NFIB: variants seen among roughly 807,000 people sequenced by gnomAD.
The protein encoded by NFIB is nuclear factor I B, also known as nuclear factor 1 B-type.
Under a neutral mutation model 61.5 loss-of-function variants are expected in NFIB, and 11 were observed. The ratio of observed to expected loss-of-function variants is 0.18; its 90% confidence interval spans 0.11 to 0.30. The LOEUF (loss-of-function observed/expected upper bound fraction) is 0.30. Among genes scored for constraint, NFIB ranks in the 10% least tolerant of loss-of-function variants. The probability of loss-of-function intolerance (pLI) is 1.00; values close to 1 mark genes in which losing one functional copy is unlikely to be tolerated. For missense variants in NFIB, 471 were observed against 608.9 expected (o/e 0.77, Z 2.38); for synonymous variants, 260 against 216.5 (o/e 1.20, Z -1.76).
rs542315159 is a variant in NFIB at position 14,279,998 on chromosome 9, G to A, written c.562+26991C>T. Among the ~76,000 whole-genome samples, 9 of 152,202 alleles carry A rather than the reference G, an allele frequency of 5.9e-5. No homozygotes were observed. In the South Asian group the frequency reaches 6.2e-4, roughly 11 times the overall value. ...AGCAGCTGAAGTGCCCATTCCAATC[G>A]TATTAACTTGATCCAAGATGGTACT... On this transcript the variant is annotated intron_variant, in intron 2 of 10. Transcript: ENST00000380953.
chr9:14,383,655 T>C (rs2061514677), intron 1 of NFIB, among the ~76,000 whole-genome samples: 2 of 152,180 alleles, frequency 1.3e-5, no homozygotes, highest in South Asian at 4.1e-4. Flanking sequence ...AAGACCAGAG[T>C]TTCTGCAAGC....
chr9:14,171,360 AT>A (rs1175312712), intron 3 of NFIB, among the ~76,000 whole-genome samples: 1 of 152,142 alleles, frequency 6.6e-6, no homozygotes, highest in African/African-American at 2.4e-5. Context: ...CATGCATCTT[AT>A]ATTCCCTGGG....
chr9:14,452,704 T>A, the NFIB span, among the ~76,000 whole-genome samples: 275 of 152,266 alleles, frequency 1.8e-3, 5 homozygotes, highest in East Asian at 0.039. Flanking sequence ...CCCAACTTGG[T>A]AGTAGCTCTG....
chr9:14,510,922 C>A, the NFIB span, among the ~76,000 whole-genome samples: 8 of 152,108 alleles, frequency 5.3e-5, no homozygotes, highest in Admixed American at 1.3e-4. Flanking sequence ...ATAAGATCCC[C>A]CCTACCTTCA....
chr9:14,117,600 C>T (rs2038328013), intron 8 of NFIB, among the ~76,000 whole-genome samples: 1 of 152,046 alleles, frequency 6.6e-6, no homozygotes, highest in South Asian at 2.1e-4. Context: ...AATATTGTGA[C>T]TTAGAGACAT....
At chr9:14,431,009 T>C in the NFIB span, among the ~76,000 whole-genome samples, 3 of 152,188 alleles carry the variant, frequency 2.0e-5, no homozygotes, top group Non-Finnish European at 4.4e-5. Flanking sequence ...ATGGAAATAA[T>C]GGGGCCTTTG....
At position 14,260,296 on chromosome 9, in the gene NFIB, G is replaced by A. The variant is rs1182378305; in HGVS notation, c.562+46693C>T. On this transcript the variant is annotated intron_variant, in intron 2 of 10. Coordinates refer to ENST00000380953, the MANE Select transcript of NFIB (RefSeq NM_001190737.2). The stretch of plus-strand genomic sequence containing the variant: ...GCTCAATATCTGTAATGCAGAGGCT[G>A]AATATGTATAAATGCAGAGGCCCAA... Among the ~76,000 whole-genome samples the A allele has an allele frequency of 4.6e-5, 7 of 152,172 alleles. No homozygotes were observed. The East Asian group carries it at 1.3e-3, about 29-fold the overall frequency.
intron 2 of NFIB, among the ~76,000 whole-genome samples, chr9:14,208,228 T>C (rs2049951393): frequency 6.6e-6 from 1 of 152,078 alleles, no homozygotes; most frequent in African/African-American, 2.4e-5. Flanking sequence ...AACAAAGCAA[T>C]ACGTGGTGTT....
At chr9:14,481,839 C>T in the NFIB span, among the ~76,000 whole-genome samples, 4 of 152,030 alleles carry the variant, frequency 2.6e-5, no homozygotes, top group South Asian at 2.1e-4. Flanking sequence ...CTTTTTGGTC[C>T]CCAACACCAG....
At chr9:14,378,115 G>C (rs1173861373) in intron 1 of NFIB, among the ~76,000 whole-genome samples, 2 of 152,082 alleles carry the variant, frequency 1.3e-5, no homozygotes, top group African/African-American at 4.8e-5. Context: ...TTTTATGAGT[G>C]GCATGATCTG....
the NFIB span, among the ~76,000 whole-genome samples, chr9:14,452,629 C>A: frequency 6.6e-6 from 1 of 152,150 alleles, no homozygotes; most frequent in Non-Finnish European, 1.5e-5. Context: ...ATGAGAAAAT[C>A]TCGACCCTGG....
intron 9 of NFIB, among the ~76,000 whole-genome samples, chr9:14,115,856 G>GT (rs1173315369): frequency 6.6e-6 from 1 of 152,178 alleles, no homozygotes; most frequent in East Asian, 1.9e-4. Context: ...CTCTCTTTGG[G>GT]TGATACGAAA....
the NFIB span, among the ~76,000 whole-genome samples, chr9:14,453,084 G>C: frequency 6.6e-6 from 1 of 152,192 alleles, no homozygotes; most frequent in Non-Finnish European, 1.5e-5. Context: ...AGAACTCCCA[G>C]TGAGGTGGGT....
At chr9:14,193,934 T>C (rs1212026384) in intron 2 of NFIB, among the ~76,000 whole-genome samples, 2 of 152,164 alleles carry the variant, frequency 1.3e-5, no homozygotes, top group Non-Finnish European at 2.9e-5. Context: ...CCCTATGCAA[T>C]GTCCCTCTAC....
chr9:14,473,976 G>C, the NFIB span, among the ~76,000 whole-genome samples: 1 of 152,138 alleles, frequency 6.6e-6, no homozygotes, highest in Non-Finnish European at 1.5e-5. Context: ...GAGTCTTCAG[G>C]AAGCCGCTGG....
chr9:14,450,410 T>A, the NFIB span, among the ~76,000 whole-genome samples: 382 of 152,348 alleles, frequency 2.5e-3, 11 homozygotes, highest in East Asian at 0.062. Flanking sequence ...GAAGCTGAAG[T>A]TGAAGATAAT....
chr9:14,306,789 G>A (rs1425653434), intron 2 of NFIB, among the ~76,000 whole-genome samples, 200 bp downstream of exon 2: 2 of 152,108 alleles, frequency 1.3e-5, no homozygotes, highest in African/African-American at 2.4e-5. Context: ...AGCCTATCCA[G>A]GTACGAAAGC....
intron 1 of NFIB, among the ~76,000 whole-genome samples, chr9:14,349,527 G>A (rs980812544): frequency 6.6e-6 from 1 of 152,132 alleles, no homozygotes; most frequent in Admixed American, 6.6e-5. Context: ...AAATTTTGGA[G>A]AGCCCCAAAG....
chr9:14,449,828 G>A, the NFIB span, among the ~76,000 whole-genome samples: 4 of 151,952 alleles, frequency 2.6e-5, no homozygotes, highest in East Asian at 1.9e-4. Flanking sequence ...CAACTACTCC[G>A]GAGGCTGAGG....
Sources: allele counts gnomAD v4.1 joint callset (sites outside exome capture counted in the v4.1 genomes callset), GRCh38; gene constraint gnomAD v4.1.1; transcripts MANE v1.5; gene names NCBI Gene and HGNC (gene_info 2026-07-23, HGNC 2026-07-21).